ADORA1: variants seen among roughly 807,000 people sequenced by gnomAD.
ADORA1 encodes adenosine A1 receptor, also known as adenosine receptor A1.
ADORA1 carries 6 observed loss-of-function variants against 19.9 expected under a neutral mutation model. The ratio of observed to expected loss-of-function variants is 0.30; its 90% CI spans 0.17 to 0.59. The LOEUF is 0.59. Ranked by LOEUF, ADORA1 falls within the 20% of genes least tolerant of loss-of-function variation. The pLI is 0.87. For synonymous variants in ADORA1, 194 were observed against 188.4 expected (o/e 1.03, Z -0.24); for missense variants, 302 against 439.2 (o/e 0.69, Z 2.79).
At chr1:203,162,346 C>T (rs948228605) in intron 3 of ADORA1, among the ~76,000 whole-genome samples, 17 of 152,078 alleles carry the variant, frequency 1.1e-4, no homozygotes, top group African/African-American at 2.2e-4. Context: ...GCTTTAACCC[C>T]GGGGGCTCTG....
At chr1:203,132,963 T>C (rs1021116541) in intron 3 of ADORA1, among the ~76,000 whole-genome samples, 2 of 152,332 alleles carry the variant, frequency 1.3e-5, no homozygotes, top group East Asian at 1.9e-4. Context: ...CAGTGCTGTG[T>C]TGGGATCCCG....
At chr1:203,150,295 C>T (rs927187736) in intron 3 of ADORA1, among the ~76,000 whole-genome samples, 1 of 152,230 alleles carries the variant, frequency 6.6e-6, no homozygotes, top group African/African-American at 2.4e-5. Flanking sequence ...GGCAGAAGCC[C>T]CTGAGCACAT....
intron 3 of ADORA1, chr1:203,129,404 G>A: frequency 1.6e-6 from 1 of 615,498 alleles, no homozygotes; most frequent in Non-Finnish European, 2.0e-6. Flanking sequence ...ACTTACCAGT[G>A]CCCATGACCT....
chr1:203,128,302 G>A lies in ADORA1; in HGVS notation c.-188G>A. The A allele has an allele frequency of 7.8e-7, 1 of 1,278,722 alleles. No homozygotes were observed. Among genetic ancestry groups the A allele is most frequent in the Non-Finnish European group, 1.0e-6 (1 of 981,098 alleles). 79.2% of individuals were successfully genotyped at this position (1,278,722 alleles called of 1,614,324 possible). A position where few individuals can be genotyped will look rare whatever the true frequency, so the allele number is the denominator to read the frequency against. ...GGCCGGGCTGGGAGCGCTGCGGCGG[G>A]AGCCGGAGGACTATGAGCTGCCGCG... On this transcript the variant is annotated 5_prime_UTR_variant, in exon 2 of 4. Coordinates refer to ENST00000337894, the MANE Select transcript of ADORA1 (RefSeq NM_000674.3). This position sits in a 1 kb window ranked among gnomAD's most constrained non-coding sequence, Gnocchi z 5.9.
intron 3 of ADORA1, chr1:203,129,840 GC>G (rs1295222742): frequency 6.6e-6 from 1 of 152,468 alleles, no homozygotes; most frequent in Non-Finnish European, 1.5e-5. Flanking sequence ...TTCTCATATT[GC>G]TGTTCTGTTG....
intron 3 of ADORA1, among the ~76,000 whole-genome samples, chr1:203,132,751 A>G (rs1311151320): frequency 6.6e-6 from 1 of 152,162 alleles, no homozygotes; most frequent in Non-Finnish European, 1.5e-5. Flanking sequence ...GGAGGCTGAG[A>G]CAGGAGAATC....
In ADORA1 at chr1:203,165,399, C is replaced by T. The variant is rs1440293049; in HGVS notation, c.480C>T (p.Gly160=). The change falls in exon 4 of 4, where the codon GGC becomes GGT. Residue 160 remains glycine (G), a synonymous_variant. Transcript: ENST00000337894. The surrounding 1 kb of genome is among the most constrained non-coding windows in gnomAD (Gnocchi z 5.9). ...SAVERAWAAN[G]SMGEPVIKCE... ...TGGAGCGGGCCTGGGCAGCCAACGG[C>T]AGCATGGGGGAGCCCGTGATCAAGT... The T allele has an allele frequency of 6.2e-7, 1 of 1,610,272 alleles. No homozygotes were observed. The highest frequency in any genetic ancestry group is 8.5e-7 in the Non-Finnish European group (1 of 1,178,064).
rs189203999 is a variant in ADORA1, at chr1:203,145,130, C to A, written c.341+15948C>A. ...TAAAGGACAGGAGAGCCCCTCACCC[C>A]CCACCAGACTTATAAACCAATGTGT... On this transcript the variant is annotated intron_variant, in intron 3 of 3. Transcript: ENST00000337894. 899 of 152,516 alleles carry A rather than the reference C, an allele frequency of 5.9e-3. 5 individuals are homozygous for A. The highest frequency in any genetic ancestry group is 0.01 in the Middle Eastern group (3 of 294). 9.4% of individuals were successfully genotyped at this position (152,516 alleles called of 1,614,324 possible).
At chr1:203,137,889 T>C (rs567648467) in intron 3 of ADORA1, among the ~76,000 whole-genome samples, 7 of 152,238 alleles carry the variant, frequency 4.6e-5, no homozygotes, top group Non-Finnish European at 7.3e-5. Flanking sequence ...AACTTTTATA[T>C]GTGGAGTCAA....
chr1:203,163,074 A>G (rs1655421368), intron 3 of ADORA1, among the ~76,000 whole-genome samples: 1 of 152,208 alleles, frequency 6.6e-6, no homozygotes, highest in African/African-American at 2.4e-5. Context: ...AGAGGACACC[A>G]TATCTGTGGG....
chr1:203,136,342 C>T (rs1654506821), intron 3 of ADORA1, among the ~76,000 whole-genome samples: 1 of 152,040 alleles, frequency 6.6e-6, no homozygotes, highest in African/African-American at 2.4e-5. Context: ...AGGGGCTTCC[C>T]TGACCCCAAG....
At position 203,128,278 on chromosome 1, in the gene ADORA1, GC is replaced by G; in HGVS notation, c.-210del. 1 of 1,259,790 alleles carries G rather than the reference GC, an allele frequency of 7.9e-7. No homozygotes were observed. Among genetic ancestry groups the G allele is most frequent in the African/African-American group, 1.5e-5 (1 of 65,204 alleles). The allele number at this position is 1,259,790 out of a possible 1,614,324, so 78.0% of individuals were successfully genotyped here. On this transcript the variant is annotated splice_region_variant and 5_prime_UTR_variant, in exon 2 of 4. Coordinates refer to ENST00000337894, the MANE Select transcript of ADORA1 (RefSeq NM_000674.3). The surrounding 1 kb of genome is among the most constrained non-coding windows in gnomAD (Gnocchi z 5.9). The stretch of plus-strand genomic sequence containing the variant: ...GCCGTACCATGTGATTGCTTGAAAG[GC>G]CGGGCTGGGAGCGCTGCGGCGGGAG...
At chr1:203,160,346 C>T (rs1415853824) in intron 3 of ADORA1, among the ~76,000 whole-genome samples, 1 of 152,196 alleles carries the variant, frequency 6.6e-6, no homozygotes, top group Non-Finnish European at 1.5e-5. Context: ...CATCCCTAAT[C>T]TGGAAATCTG....
rs1175979756 is a variant in ADORA1 at position 203,128,241 on chromosome 1, G to T, written c.-212-37G>T. 4 of 1,083,862 alleles carry T rather than the reference G, an allele frequency of 3.7e-6. No homozygotes were observed. In the Admixed American group the frequency reaches 1.2e-4, roughly 32 times the overall value. The allele number at this position is 1,083,862 out of a possible 1,614,324, so 67.1% of individuals were successfully genotyped here. ...GCGCTACCTCTTTAAAAGCGTCCGG[G>T]GCTGAGTCTCTGCCGTACCATGTGA... On this transcript the variant is annotated intron_variant, in intron 1 of 3. Coordinates refer to ENST00000337894, the MANE Select transcript of ADORA1 (RefSeq NM_000674.3). The surrounding 1 kb of genome is among the most constrained non-coding windows in gnomAD (Gnocchi z 5.9).
At chr1:203,138,119 G>C (rs140299710) in intron 3 of ADORA1, among the ~76,000 whole-genome samples, 1 of 152,318 alleles carries the variant, frequency 6.6e-6, no homozygotes, top group African/African-American at 2.4e-5. Flanking sequence ...ATGTGAGAAA[G>C]AAGAATCAAT....
intron 3 of ADORA1, among the ~76,000 whole-genome samples, chr1:203,149,529 G>A (rs549717810): frequency 1.2e-4 from 19 of 152,326 alleles, no homozygotes; most frequent in African/African-American, 4.6e-4. Context: ...CACCCAGGCC[G>A]GGAGTTGAGG....
At chr1:203,144,004 C>T (rs780211149) in intron 3 of ADORA1, among the ~76,000 whole-genome samples, 14 of 151,996 alleles carry the variant, frequency 9.2e-5, no homozygotes, top group Non-Finnish European at 1.6e-4. Context: ...CCTTGTCTCC[C>T]GGTCAGTCTC....
intron 3 of ADORA1, among the ~76,000 whole-genome samples, chr1:203,158,577 TCCAG>T (rs1296063311): frequency 7.2e-5 from 11 of 152,230 alleles, no homozygotes; most frequent in Non-Finnish European, 1.6e-4. Flanking sequence ...TCCAAACTCT[TCCAG>T]CCTATACCTG....
Position 203,136,009 on chromosome 1 carries a change from G to A in ADORA1, c.341+6827G>A, listed in dbSNP as rs569325957. Among the ~76,000 whole-genome samples, 8 of 152,320 alleles carry A rather than the reference G, an allele frequency of 5.3e-5. No homozygotes were observed. The East Asian group carries it at 1.4e-3, about 26-fold the overall frequency. On this transcript the variant is annotated intron_variant, in intron 3 of 3. Coordinates refer to ENST00000337894, the MANE Select transcript of ADORA1 (RefSeq NM_000674.3). ...AAGGCCTCGGCATCCTGAGGGTGAG[G>A]AAGCAGTGTCCCTGGGAGAGGACTT... is the stretch of plus-strand genomic sequence containing the variant.
Sources: gnomAD v4.1 joint callset for allele counts (sites outside exome capture counted in the v4.1 genomes callset) on GRCh38, gnomAD v4.1.1 for gene constraint, Gnocchi (gnomAD v3.1) non-coding constraint, MANE v1.5 for transcripts, NCBI Gene and HGNC (gene_info 2026-07-23, HGNC 2026-07-21) for gene names.